SMIM35: variants seen among roughly 807,000 people sequenced by gnomAD.
SMIM35 encodes the protein TMPRSS4 antisense RNA 1 (non-protein coding).
At chr11:118,072,842 G>A (rs1480944741) in intron 1 of SMIM35, among the ~76,000 whole-genome samples, 3 of 152,244 alleles carry the variant, frequency 2.0e-5, no homozygotes, top group African/African-American at 7.2e-5. Flanking sequence ...CACATTTTGT[G>A]AAATGAATGG....
chr11:118,025,777 G>A (rs1261517881), intron 1 of SMIM35: 1 of 448,504 alleles, frequency 2.2e-6, no homozygotes, highest in Non-Finnish European at 4.4e-6. Flanking sequence ...CTTTTGCTGT[G>A]CAGAAGCCCT....
At chr11:118,082,350 C>G (rs1319776781) in intron 1 of SMIM35, among the ~76,000 whole-genome samples, 1 of 152,070 alleles carries the variant, frequency 6.6e-6, no homozygotes, top group Non-Finnish European at 1.5e-5. Flanking sequence ...CACCTGAGGT[C>G]AGAAGTTCAA....
intron 1 of SMIM35, among the ~76,000 whole-genome samples, chr11:118,016,465 C>G (rs1444469853): frequency 1.3e-5 from 2 of 152,190 alleles, no homozygotes; most frequent in Non-Finnish European, 2.9e-5. Flanking sequence ...GGGCACCCTA[C>G]GGACAACCCA....
chr11:118,033,753 C>T (rs151093047), intron 1 of SMIM35, among the ~76,000 whole-genome samples: 3 of 152,244 alleles, frequency 2.0e-5, no homozygotes, highest in African/African-American at 7.2e-5. Flanking sequence ...GACCATCAGT[C>T]AGTAAGAAAT....
intron 1 of SMIM35, among the ~76,000 whole-genome samples, chr11:118,057,123 C>T (rs1422498773): frequency 6.6e-6 from 1 of 152,216 alleles, no homozygotes; most frequent in Non-Finnish European, 1.5e-5. Context: ...GTGGGCATAG[C>T]TACCTGCTGG....
rs1290971543 is a variant in SMIM35 at position 118,075,154 on chromosome 11, C to T, written c.7+11597G>A. On this transcript the variant is annotated intron_variant, in intron 1 of 4. Transcript: ENST00000689828. ...GGCTCCCAGTGGCCCACTGGCTTCTCACTGCCCTGCTGCTGGGGAGGTGCC... is the reference window on the plus strand; with the variant it reads ...GGCTCCCAGTGGCCCACTGGCTTCTTACTGCCCTGCTGCTGGGGAGGTGCC... Among the ~76,000 whole-genome samples the T allele has an allele frequency of 3.5e-4, 53 of 152,360 alleles. 1 individual carries two copies. The highest frequency in any genetic ancestry group is 1.5e-5 in the Non-Finnish European group (1 of 68,026).
chr11:118,014,822 C>T, intron 2 of SMIM35, 81 bp from the exon 3 acceptor site: 1 of 398,344 alleles, frequency 2.5e-6, no homozygotes, highest in Non-Finnish European at 4.4e-6. Flanking sequence ...TCTGGTGCTC[C>T]CTCACCCCTG....
chr11:118,028,902 G>A, intron 1 of SMIM35: 1 of 422,828 alleles, frequency 2.4e-6, no homozygotes, highest in East Asian at 7.5e-5. Context: ...AGGGGAAGGA[G>A]GACAGGAGGA....
chr11:118,050,657 T>G (rs960211965), intron 1 of SMIM35, among the ~76,000 whole-genome samples: 4 of 152,166 alleles, frequency 2.6e-5, no homozygotes, highest in African/African-American at 9.7e-5. Context: ...CCCCCACCCT[T>G]GCTTCCTCAT....
At chr11:118,086,256 G>A (rs4938479) in intron 1 of SMIM35, among the ~76,000 whole-genome samples, 55,679 of 152,138 alleles carry the variant, frequency 0.37, 10,491 homozygotes, top group South Asian at 0.54. Context: ...GATGGGAGCT[G>A]AACAGCAGGC....
intron 1 of SMIM35, among the ~76,000 whole-genome samples, chr11:118,049,807 G>T (rs1565391856): frequency 6.6e-6 from 1 of 152,038 alleles, no homozygotes; most frequent in Non-Finnish European, 1.5e-5. Flanking sequence ...GTCTGGCAAG[G>T]GTAAGTCCAC....
intron 1 of SMIM35, among the ~76,000 whole-genome samples, chr11:118,020,846 C>T (rs530084465): frequency 1.6e-4 from 25 of 152,254 alleles, no homozygotes; most frequent in Admixed American, 2.6e-4. Flanking sequence ...GTTAGAACTT[C>T]CAGTATAATG....
chr11:118,017,757 A>C (rs2058195169), intron 1 of SMIM35, among the ~76,000 whole-genome samples: 1 of 152,154 alleles, frequency 6.6e-6, no homozygotes, highest in African/African-American at 2.4e-5. Context: ...ATGGCTGGGG[A>C]GGCCTCAGGA....
chr11:118,037,710 C>T lies in SMIM35; in HGVS notation c.8-21901G>A, dbSNP rs114951261. On this transcript the variant is annotated intron_variant, in intron 1 of 4. Transcript: ENST00000689828. ...GAGTCGGCGACCTGTTCCATGTCACCATTTAGTTCTTGAGATAGTTTGTGG... is the reference window on the plus strand; with the variant it reads ...GAGTCGGCGACCTGTTCCATGTCACTATTTAGTTCTTGAGATAGTTTGTGG... Among the ~76,000 whole-genome samples, 164 of 152,254 alleles carry T rather than the reference C, an allele frequency of 1.1e-3. 1 individual carries two copies. The highest frequency in any genetic ancestry group is 3.8e-3 in the African/African-American group (158 of 41,538).
At chr11:118,024,944 G>T (rs1286465589) in intron 1 of SMIM35, among the ~76,000 whole-genome samples, 1 of 150,244 alleles carries the variant, frequency 6.7e-6, no homozygotes, top group Non-Finnish European at 1.5e-5. Context: ...CCGATCTAGT[G>T]GTCCCCAGTG....
chr11:118,006,886 G>A (rs2058124613), intron 4 of SMIM35, among the ~76,000 whole-genome samples: 1 of 152,198 alleles, frequency 6.6e-6, no homozygotes, highest in Admixed American at 6.5e-5. Context: ...GAAGGCAAGG[G>A]GATGTGGTCA....
chr11:118,048,033 G>A (rs1423145306), intron 1 of SMIM35, among the ~76,000 whole-genome samples: 1 of 152,184 alleles, frequency 6.6e-6, no homozygotes, highest in African/African-American at 2.4e-5. Flanking sequence ...CCCCCAGAGT[G>A]GGGGTGCATC....
Position 118,019,340 on chromosome 11 carries a change from G to A in SMIM35, c.8-3531C>T, listed in dbSNP as rs377571559. On this transcript the variant is annotated intron_variant, in intron 1 of 4. Coordinates refer to ENST00000689828, the MANE Select transcript of SMIM35 (RefSeq NM_001394165.1). ...AGGAAGTAAAATGAAGAGCTCTCTAGGATTGCCTGGCTTATTGCCTGGGTG... is the reference window on the plus strand; with the variant it reads ...AGGAAGTAAAATGAAGAGCTCTCTAAGATTGCCTGGCTTATTGCCTGGGTG... Among the ~76,000 whole-genome samples, 5 of 152,132 alleles carry A rather than the reference G, an allele frequency of 3.3e-5. No individual in the cohort carries two copies. In the East Asian group the frequency reaches 9.6e-4, roughly 29 times the overall value.
At chr11:118,018,711 G>T (rs1026074957) in intron 1 of SMIM35, among the ~76,000 whole-genome samples, 5 of 152,176 alleles carry the variant, frequency 3.3e-5, no homozygotes, top group African/African-American at 4.8e-5. Context: ...CTGAGGTGAG[G>T]GAAGGAGATG....
Sources: gnomAD v4.1 joint callset for allele counts (sites outside exome capture counted in the v4.1 genomes callset) on GRCh38, gnomAD v4.1.1 for gene constraint, MANE v1.5 for transcripts, NCBI Gene and HGNC (gene_info 2026-07-23, HGNC 2026-07-21) for gene names.